NT5DC4: variants seen among roughly 807,000 people sequenced by gnomAD.
NT5DC4 encodes 5'-nucleotidase domain containing 4, also known as 5'-nucleotidase domain-containing protein 4.
In NT5DC4, 44 loss-of-function variants were observed where a neutral mutation model predicts 26.6. That is an observed-to-expected ratio of 1.65 (90% CI 1.30 to 2.13). The LOEUF is 2.13. NT5DC4 is among the 30% of genes most tolerant of loss of function. NT5DC4 has a pLI of 0.00. For missense variants in NT5DC4, 399 were observed against 228.1 expected (o/e 1.75, Z -4.83); for synonymous variants, 157 against 86.7 (o/e 1.81, Z -4.51).
rs545755396 is a variant in NT5DC4, at chr2:112,724,048, G to C, written c.757-46G>C. The C allele has an allele frequency of 3.9e-5, 28 of 716,866 alleles. No homozygotes were observed. In the African/African-American group the frequency reaches 4.5e-4, roughly 12 times the overall value. 44.4% of individuals were successfully genotyped at this position (716,866 alleles called of 1,614,324 possible). Reference sequence around the variant, plus strand: ...GGATGGTGGGTGAGGGCAGAGGCAGGTGGTGGCCCAAGCTTGGTGCCCTGA... The same window carrying C: ...GGATGGTGGGTGAGGGCAGAGGCAGCTGGTGGCCCAAGCTTGGTGCCCTGA... On this transcript the variant is annotated intron_variant, in intron 9 of 16. Coordinates refer to ENST00000688554, the MANE Select transcript of NT5DC4 (RefSeq NM_001393655.1).
chr2:112,718,892 C>T (rs894590096), upstream of NT5DC4, among the ~76,000 whole-genome samples: 3 of 152,210 alleles, frequency 2.0e-5, no homozygotes, highest in East Asian at 3.8e-4. Flanking sequence ...ACCCATCCAA[C>T]TGTCTGTCCA....
At chr2:112,729,802 A>T in intron 16 of NT5DC4, 98 bp downstream of exon 16, 1 of 690,808 alleles carries the variant, frequency 1.4e-6, no homozygotes, top group Non-Finnish European at 2.7e-6. Flanking sequence ...CGCATGAGGC[A>T]ATTGGTGGGG....
chr2:112,735,038 ATTTTTTTTT>A (rs70965024), intron 16 of NT5DC4, among the ~76,000 whole-genome samples: 4 of 94,490 alleles, frequency 4.2e-5, no homozygotes, highest in Admixed American at 1.3e-4. Flanking sequence ...AGGCAAGAAC[ATTTTTTTTT>A]TTTTTTTTTT....
At chr2:112,741,271 T>C (rs1679943786), downstream of NT5DC4, among the ~76,000 whole-genome samples, 1 of 151,956 alleles carries the variant, frequency 6.6e-6, no homozygotes, top group South Asian at 2.1e-4. Context: ...CTTTCAAGAC[T>C]CTGAACATAT....
At chr2:112,728,146 G>A (rs1236733277) in intron 15 of NT5DC4, among the ~76,000 whole-genome samples, 1 of 152,222 alleles carries the variant, frequency 6.6e-6, no homozygotes, top group East Asian at 1.9e-4. Context: ...ACAGACGCAT[G>A]GGAAGAGTTA....
intron 16 of NT5DC4, among the ~76,000 whole-genome samples, chr2:112,735,044 T>TA (rs888756958): frequency 7.1e-6 from 1 of 141,822 alleles, no homozygotes; most frequent in African/African-American, 2.6e-5. Flanking sequence ...GAACATTTTT[T>TA]TTTTTTTTTT....
chr2:112,727,901 G>T (rs889816607), intron 15 of NT5DC4, among the ~76,000 whole-genome samples: 3 of 152,224 alleles, frequency 2.0e-5, no homozygotes, highest in African/African-American at 7.2e-5. Flanking sequence ...GCGCTATGCC[G>T]ACCTCTACAC....
rs75085685 is a variant in NT5DC4, at chr2:112,736,412, A to G, written c.1345-2501A>G. 4.5e-3 allele frequency among the ~76,000 whole-genome samples: 688 copies of G among 152,294 alleles called. 6 individuals carry two copies. Among genetic ancestry groups the G allele is most frequent in the African/African-American group, 0.016 (662 of 41,520 alleles). On this transcript the variant is annotated intron_variant, in intron 16 of 16. Coordinates refer to ENST00000688554, the MANE Select transcript of NT5DC4 (RefSeq NM_001393655.1). Reference sequence around the variant, plus strand: ...TTTACAACATGATGTTATGGGATACATATAGATAATAAAATGGCTGCTATA... The same window carrying G: ...TTTACAACATGATGTTATGGGATACGTATAGATAATAAAATGGCTGCTATA...
At chr2:112,723,694 G>A (rs967098044) in intron 8 of NT5DC4, 25 bp from the exon 9 acceptor site, 1 of 715,590 alleles carries the variant, frequency 1.4e-6, no homozygotes, top group African/African-American at 1.7e-5. Flanking sequence ...TCCCACCCCT[G>A]CAAGTCCCTC....
At chr2:112,720,222 CA>C (rs1351302578), upstream of NT5DC4, among the ~76,000 whole-genome samples, 20 of 13,818 alleles carry the variant, frequency 1.4e-3, no homozygotes, top group East Asian at 0.06. Flanking sequence ...CCCAAGAGGG[CA>C]ATTTTTTTTT....
At chr2:112,734,371 C>T (rs1678831391) in intron 16 of NT5DC4, among the ~76,000 whole-genome samples, 1 of 152,208 alleles carries the variant, frequency 6.6e-6, no homozygotes, top group Non-Finnish European at 1.5e-5. Flanking sequence ...AGCTTGCTCT[C>T]TCCAACTCTC....
chr2:112,734,941 C>T (rs974076837), intron 16 of NT5DC4, among the ~76,000 whole-genome samples: 3 of 152,066 alleles, frequency 2.0e-5, no homozygotes, highest in East Asian at 1.9e-4. Context: ...CTGCTCACCT[C>T]GGCCTCCCAA....
downstream of NT5DC4, chr2:112,740,978 T>C (rs1385405696): frequency 1.9e-6 from 3 of 1,613,534 alleles, no homozygotes; most frequent in South Asian, 3.3e-5. Flanking sequence ...GTTATACTAG[T>C]TTCAGCAACT....
At chr2:112,732,100 AG>A (rs1450395143) in intron 16 of NT5DC4, among the ~76,000 whole-genome samples, 1 of 151,904 alleles carries the variant, frequency 6.6e-6, no homozygotes, top group Non-Finnish European at 1.5e-5. Flanking sequence ...TAGTAGAGAC[AG>A]GGTTTCACCA....
In NT5DC4 at chr2:112,722,235, G is replaced by T. The variant is rs748962681; in HGVS notation, c.319G>T (p.Gly107Trp). 1.4e-6 allele frequency: 1 copy of T among 716,924 alleles called. No individual in the cohort carries two copies. Among genetic ancestry groups the T allele is most frequent in the African/African-American group, 1.7e-5 (1 of 57,260 alleles). The allele number at this position is 716,924 out of a possible 1,614,324, so 44.4% of individuals were successfully genotyped here. Reference protein sequence around the residue: ...YGNLLKVDAHGNVLLGAYGFT... With the variant: ...YGNLLKVDAHWNVLLGAYGFT... ...GAACCTGCTGAAGGTGGACGCCCAC[G>T]GGAATGTGCTGCTGGGTGCCTATGG... Residue 107 changes from glycine (G) to tryptophan (W), a missense_variant, in exon 4 of 17, where the codon GGG (glycine) becomes TGG (tryptophan). Physicochemically the swap from Gly to Trp is radical, Grantham distance 184. Coordinates refer to ENST00000688554, the MANE Select transcript of NT5DC4 (RefSeq NM_001393655.1).
intron 16 of NT5DC4, among the ~76,000 whole-genome samples, chr2:112,735,037 C>T (rs1050447985): frequency 2.6e-5 from 2 of 77,034 alleles, no homozygotes; most frequent in South Asian, 4.9e-4. Context: ...GAGGCAAGAA[C>T]ATTTTTTTTT....
Position 112,721,883 on chromosome 2 carries a change from C to T in NT5DC4, c.140C>T (p.Thr47Ile), listed in dbSNP as rs1160806873. The change falls in exon 2 of 17, where the codon ACT becomes ATT. Residue 47 changes from threonine (T) to isoleucine (I), a missense_variant. Coordinates refer to ENST00000688554, the MANE Select transcript of NT5DC4 (RefSeq NM_001393655.1). ...TGCTTTGGCTTCGACATGGACTACACTCTGGCTGGTAGAGAGGGCTGGAAC... is the reference window on the plus strand; with the variant it reads ...TGCTTTGGCTTCGACATGGACTACATTCTGGCTGGTAGAGAGGGCTGGAAC... ...IRCFGFDMDYTLAAYKSPAYE... is the reference protein window; with the variant it reads ...IRCFGFDMDYILAAYKSPAYE... The T allele has an allele frequency of 2.8e-6, 2 of 717,310 alleles. No individual in the cohort carries two copies. The highest frequency in any genetic ancestry group is 1.7e-5 in the African/African-American group (1 of 57,278). The allele number at this position is 717,310 out of a possible 1,614,324, so 44.4% of individuals were successfully genotyped here. A position where few individuals can be genotyped will look rare whatever the true frequency, so the allele number is the denominator to read the frequency against.
chr2:112,730,054 T>C (rs1193571488), intron 16 of NT5DC4, among the ~76,000 whole-genome samples: 1 of 152,110 alleles, frequency 6.6e-6, no homozygotes, highest in East Asian at 1.9e-4. Flanking sequence ...GTTTCACACC[T>C]GTAATCCCAG....
At position 112,723,131 on chromosome 2, in the gene NT5DC4, T is replaced by G; in HGVS notation, c.578T>G (p.Leu193Arg). 8.4e-6 allele frequency: 6 copies of G among 717,322 alleles called. No individual in the cohort carries two copies. The highest frequency in any genetic ancestry group is 1.3e-5 in the Non-Finnish European group (5 of 385,046). 44.4% of individuals were successfully genotyped at this position (717,322 alleles called of 1,614,324 possible). A position where few individuals can be genotyped will look rare whatever the true frequency, so the allele number is the denominator to read the frequency against. The change falls in exon 7 of 17, where the codon CTC (leucine) becomes CGC (arginine). Residue 193 changes from leucine to arginine, a missense_variant. Coordinates refer to ENST00000688554, the MANE Select transcript of NT5DC4 (RefSeq NM_001393655.1). ...HGNLFMSFRS[L>R]FQDVTDAMNN... ...AACCTCTTCATGTCCTTCCGAAGCC[T>G]CTTCCAGGATGTGACTGATGCCATG...
Sources: gnomAD v4.1 joint callset for allele counts (sites outside exome capture counted in the v4.1 genomes callset) on GRCh38, gnomAD v4.1.1 for gene constraint, MANE v1.5 for transcripts, NCBI Gene and HGNC (gene_info 2026-07-23, HGNC 2026-07-21) for gene names.